SUPT3H: variants seen among roughly 807,000 people sequenced by gnomAD.
SUPT3H encodes SPT3 homolog, SAGA and STAGA complex component.
SUPT3H carries 44 observed loss-of-function variants against 44.3 expected under a neutral mutation model. The ratio of observed to expected loss-of-function variants is 0.99; its 90% CI spans 0.78 to 1.28. The LOEUF is 1.28. SUPT3H is among the 50% of genes most tolerant of loss of function. SUPT3H has a pLI of 0.00. For missense variants in SUPT3H, 380 were observed against 387.1 expected (o/e 0.98, Z 0.15); for synonymous variants, 124 against 125.6 (o/e 0.99, Z 0.09).
At chr6:45,068,229 G>C (rs1021391901) in intron 3 of SUPT3H, among the ~76,000 whole-genome samples, 3 of 145,310 alleles carry the variant, frequency 2.1e-5, no homozygotes, top group South Asian at 2.2e-4. Context: ...AACCAAACAC[G>C]GCATATTCTC....
At chr6:44,971,408 G>A (rs142226502) in intron 6 of SUPT3H, among the ~76,000 whole-genome samples, 1 of 152,060 alleles carries the variant, frequency 6.6e-6, no homozygotes, top group Non-Finnish European at 1.5e-5. Flanking sequence ...ACAGAACTGG[G>A]GAGGCCTCAG....
chr6:45,093,149 T>C (rs1797361118), intron 3 of SUPT3H, among the ~76,000 whole-genome samples: 1 of 152,156 alleles, frequency 6.6e-6, no homozygotes, highest in Non-Finnish European at 1.5e-5. Flanking sequence ...ATACATATTT[T>C]ACAAAATAAT....
intron 3 of SUPT3H, among the ~76,000 whole-genome samples, chr6:45,048,349 C>A (rs1037430269): frequency 2.7e-5 from 4 of 150,416 alleles, no homozygotes; most frequent in African/African-American, 4.9e-5. Context: ...AGATCAATGT[C>A]ATGGAGCTTT....
At chr6:44,910,146 C>T (rs558689818) in intron 10 of SUPT3H, among the ~76,000 whole-genome samples, 3 of 152,272 alleles carry the variant, frequency 2.0e-5, no homozygotes, top group Non-Finnish European at 2.9e-5. Context: ...AACTCTCTAC[C>T]TGTCTGTAGA....
intron 1 of SUPT3H, among the ~76,000 whole-genome samples, chr6:45,365,813 C>T (rs919444796): frequency 2.6e-5 from 4 of 151,622 alleles, no homozygotes; most frequent in African/African-American, 9.7e-5. Flanking sequence ...AAAACTACAG[C>T]ATAATCTAAA....
At chr6:45,201,996 T>C (rs1382971962) in intron 2 of SUPT3H, among the ~76,000 whole-genome samples, 3 of 151,966 alleles carry the variant, frequency 2.0e-5, no homozygotes, top group Non-Finnish European at 4.4e-5. Context: ...ACATTTTACA[T>C]CTGTGATTTC....
At chr6:45,181,626 A>G (rs1481892746) in intron 2 of SUPT3H, among the ~76,000 whole-genome samples, 1 of 150,410 alleles carries the variant, frequency 6.6e-6, no homozygotes, top group Non-Finnish European at 1.5e-5. Flanking sequence ...ACAAAAAACC[A>G]AACACCGCAT....
At chr6:45,298,824 T>A (rs1781686741) in intron 2 of SUPT3H, among the ~76,000 whole-genome samples, 2 of 152,142 alleles carry the variant, frequency 1.3e-5, no homozygotes, top group African/African-American at 4.8e-5. Context: ...TCAAAGTATA[T>A]AACCAAATTT....
Position 44,954,698 on chromosome 6 carries a change from T to C in SUPT3H, c.581-91A>G, listed in dbSNP as rs1774852403. 8.2e-6 allele frequency: 6 copies of C among 734,268 alleles called. No individual in the cohort carries two copies. The Admixed American group carries it at 1.5e-4, about 18-fold the overall frequency. The allele number at this position is 734,268 out of a possible 1,614,324, so 45.5% of individuals were successfully genotyped here. A position where few individuals can be genotyped will look rare whatever the true frequency, so the allele number is the denominator to read the frequency against. ...CTATCACAAAATTAAAAAAGTATACTCAGAATTGTACACAAAAAATAATGC... is the reference window on the plus strand; with the variant it reads ...CTATCACAAAATTAAAAAAGTATACCCAGAATTGTACACAAAAAATAATGC... On this transcript the variant is annotated intron_variant, in intron 7 of 10. Coordinates refer to ENST00000371459, the MANE Select transcript of SUPT3H (RefSeq NM_003599.4).
At position 44,828,349 on chromosome 6, in the gene SUPT3H, C is replaced by T. The variant is rs752094315; in HGVS notation, c.*1467G>A. ...AATATTTTGATATTATATATCTATCCGTGCTTTTTGTTTCTGAAATGCAAA... is the reference window on the plus strand; with the variant it reads ...AATATTTTGATATTATATATCTATCTGTGCTTTTTGTTTCTGAAATGCAAA... On this transcript the variant is annotated 3_prime_UTR_variant, in exon 11 of 11. Coordinates refer to ENST00000371459, the MANE Select transcript of SUPT3H (RefSeq NM_003599.4). Among the ~76,000 whole-genome samples, 43 of 151,980 alleles carry T rather than the reference C, an allele frequency of 2.8e-4. No individual in the cohort carries two copies. The highest frequency in any genetic ancestry group is 4.6e-4 in the Non-Finnish European group (31 of 67,962).
At chr6:45,174,591 A>C (rs1811376669) in intron 2 of SUPT3H, among the ~76,000 whole-genome samples, 1 of 152,184 alleles carries the variant, frequency 6.6e-6, no homozygotes, top group Admixed American at 6.5e-5. Flanking sequence ...ACTGCTTAAA[A>C]CAGCTTTCAC....
intron 2 of SUPT3H, among the ~76,000 whole-genome samples, chr6:45,278,675 A>G (rs1325695031): frequency 6.6e-6 from 1 of 152,240 alleles, no homozygotes; most frequent in African/African-American, 2.4e-5. Context: ...TGTCATTGCA[A>G]AAGAATTAAT....
chr6:45,225,138 G>C (rs1688677059), intron 2 of SUPT3H, among the ~76,000 whole-genome samples: 1 of 151,708 alleles, frequency 6.6e-6, no homozygotes, highest in Non-Finnish European at 1.5e-5. Context: ...AATTAGCCGG[G>C]TGTGGTGGCA....
intron 3 of SUPT3H, among the ~76,000 whole-genome samples, chr6:45,067,610 T>C (rs1793591478): frequency 6.6e-6 from 1 of 150,742 alleles, no homozygotes. Context: ...CTCAAACAAA[T>C]TTACAAGAAA....
chr6:44,950,170 CA>C (rs748097110), intron 9 of SUPT3H, among the ~76,000 whole-genome samples: 13 of 152,200 alleles, frequency 8.5e-5, no homozygotes, highest in Non-Finnish European at 1.9e-4. Flanking sequence ...ACCTCAAGTT[CA>C]TCCCAGCAGT....
At position 45,220,040 on chromosome 6, in the gene SUPT3H, C is replaced by CAAAAAAA. The variant is rs67960187; in HGVS notation, c.102-114041_102-114035dup. 1.2e-4 allele frequency among the ~76,000 whole-genome samples: 4 copies of CAAAAAAA among 33,024 alleles called. 1 individual carries two copies. Among genetic ancestry groups the CAAAAAAA allele is most frequent in the African/African-American group, 2.8e-4 (2 of 7,092 alleles). The allele number at this position is 33,024 out of a possible 152,430, so 21.7% of individuals were successfully genotyped here. Reference sequence around the variant, plus strand: ...GGTGACCGAGAGAGAGACTCTGTCTCAAAAAAAAAAAAAAAAAAAAAAAAA... The same window carrying CAAAAAAA: ...GGTGACCGAGAGAGAGACTCTGTCTCAAAAAAAAAAAAAAAAAAAAAAAAAAAAAAAA... On this transcript the variant is annotated intron_variant, in intron 2 of 10. Coordinates refer to ENST00000371459, the MANE Select transcript of SUPT3H (RefSeq NM_003599.4).
intron 10 of SUPT3H, among the ~76,000 whole-genome samples, chr6:44,843,577 T>G (rs1429549957): frequency 6.6e-6 from 1 of 152,066 alleles, no homozygotes; most frequent in African/African-American, 2.4e-5. Flanking sequence ...AAAAATAAAC[T>G]TTATTTCTAT....
intron 10 of SUPT3H, among the ~76,000 whole-genome samples, chr6:44,856,558 G>GT (rs760513567): frequency 1.3e-5 from 2 of 152,224 alleles, no homozygotes; most frequent in East Asian, 1.9e-4. Context: ...TGCTGCACTG[G>GT]TTTTTTCTAT....
chr6:45,122,240 G>C (rs1801786490), intron 2 of SUPT3H, among the ~76,000 whole-genome samples: 1 of 152,074 alleles, frequency 6.6e-6, no homozygotes, highest in African/African-American at 2.4e-5. Flanking sequence ...TGGCAAGGGA[G>C]TGGAAAAGTA....
Sources: allele counts gnomAD v4.1 joint callset (sites outside exome capture counted in the v4.1 genomes callset), GRCh38; gene constraint gnomAD v4.1.1; transcripts MANE v1.5; gene names NCBI Gene and HGNC (gene_info 2026-07-23, HGNC 2026-07-21).